Variants in ARHGAP24 observed in about 807,000 individuals in gnomAD.
ARHGAP24 encodes Rho GTPase activating protein 24, also known as rho GTPase-activating protein 24.
In ARHGAP24, 50 loss-of-function variants were observed where a neutral mutation model predicts 76.4. The ratio of observed to expected loss-of-function variants is 0.65; its 90% CI spans 0.52 to 0.83. The LOEUF (loss-of-function observed/expected upper bound fraction) is 0.83. Ranked by LOEUF, ARHGAP24 falls within the 40% of genes least tolerant of loss-of-function variation. The pLI is 0.00. For missense variants in ARHGAP24, 930 were observed against 914.2 expected (o/e 1.02, Z -0.22); for synonymous variants, 345 against 323.3 (o/e 1.07, Z -0.72).
intron 2 of ARHGAP24, among the ~76,000 whole-genome samples, chr4:85,655,603 G>C (rs1205820879): frequency 2.6e-5 from 4 of 151,698 alleles, no homozygotes; most frequent in Non-Finnish European, 5.9e-5. Flanking sequence ...CCAACATGGT[G>C]AAACTCTGTC....
intron 3 of ARHGAP24, among the ~76,000 whole-genome samples, chr4:85,857,756 A>G (rs1731668550): frequency 6.6e-6 from 1 of 152,172 alleles, no homozygotes; most frequent in Non-Finnish European, 1.5e-5. Context: ...GATATACAAT[A>G]TTAAGAGAAA....
At chr4:85,930,765 G>GT in intron 4 of ARHGAP24, 1 of 1,393,832 alleles carries the variant, frequency 7.2e-7, no homozygotes, top group Non-Finnish European at 9.3e-7. Flanking sequence ...ATGAGAGGTG[G>GT]TAACTTATCC....
chr4:85,866,858 T>C (rs371764724), intron 3 of ARHGAP24, among the ~76,000 whole-genome samples: 3 of 152,262 alleles, frequency 2.0e-5, no homozygotes, highest in Admixed American at 6.5e-5. Context: ...TCAATTCTAG[T>C]TGGCTGCATC....
intron 3 of ARHGAP24, among the ~76,000 whole-genome samples, chr4:85,789,705 G>C (rs1032689515): frequency 2.0e-5 from 3 of 152,168 alleles, no homozygotes; most frequent in Non-Finnish European, 4.4e-5. Flanking sequence ...GAAGGTCTTA[G>C]GGGAATGGAG....
At chr4:85,994,282 C>T (rs375484677) in intron 8 of ARHGAP24, among the ~76,000 whole-genome samples, 2 of 152,236 alleles carry the variant, frequency 1.3e-5, no homozygotes, top group East Asian at 1.9e-4. Flanking sequence ...TGGTCCTTAA[C>T]GTGTAACCTT....
rs979245520 is a variant in ARHGAP24, at chr4:85,613,087, C to T, written c.180+42366C>T. Among the ~76,000 whole-genome samples, 15 of 152,106 alleles carry T rather than the reference C, an allele frequency of 9.9e-5. No individual in the cohort carries two copies. The South Asian group carries it at 2.5e-3, about 25-fold the overall frequency. On this transcript the variant is annotated intron_variant, in intron 2 of 9. Transcript: ENST00000395184. ...TGCTGGGATTACATGTGTGAGCCAC[C>T]GCACTCAGTCTCCCTTCCTTTTTAA... is the stretch of plus-strand genomic sequence containing the variant.
intron 3 of ARHGAP24, among the ~76,000 whole-genome samples, chr4:85,781,175 G>C (rs1727538494): frequency 6.6e-6 from 1 of 152,184 alleles, no homozygotes; most frequent in Admixed American, 6.5e-5. Flanking sequence ...TTTTCTCAGT[G>C]ATTTTTCTGA....
chr4:85,899,354 T>C (rs548050115), intron 3 of ARHGAP24, among the ~76,000 whole-genome samples: 3 of 152,194 alleles, frequency 2.0e-5, no homozygotes, highest in Non-Finnish European at 4.4e-5. Flanking sequence ...AATCAGTAAA[T>C]GACTTTGTGC....
At chr4:85,951,908 A>G (rs1312694055) in intron 5 of ARHGAP24, among the ~76,000 whole-genome samples, 2 of 152,118 alleles carry the variant, frequency 1.3e-5, no homozygotes, top group Non-Finnish European at 2.9e-5. Flanking sequence ...AAAAATCATA[A>G]AGTTATTAAG....
intron 2 of ARHGAP24, among the ~76,000 whole-genome samples, chr4:85,660,794 C>CAAAAAAAAAAA (rs34228407): frequency 0.13 from 7,485 of 59,362 alleles, 2,138 homozygotes; most frequent in Non-Finnish European, 0.18. Flanking sequence ...GACTCCGTCT[C>CAAAAAAAAAAA]AAAAAAAAAA....
chr4:85,848,045 TCC>T (rs932433953), intron 3 of ARHGAP24, among the ~76,000 whole-genome samples: 1 of 152,132 alleles, frequency 6.6e-6, no homozygotes, highest in Non-Finnish European at 1.5e-5. Flanking sequence ...ATAACTTTTC[TCC>T]CCCTTTCACC....
intron 3 of ARHGAP24, among the ~76,000 whole-genome samples, chr4:85,725,521 A>G (rs1194234768): frequency 6.6e-6 from 1 of 152,216 alleles, no homozygotes; most frequent in Non-Finnish European, 1.5e-5. Flanking sequence ...GATGAGACCA[A>G]GAGACGGATG....
Position 85,485,600 on chromosome 4 carries a change from A to T in ARHGAP24, c.-21+10041A>T, listed in dbSNP as rs151135982. 1.3e-5 allele frequency among the ~76,000 whole-genome samples: 2 copies of T among 151,656 alleles called. 1 individual carries two copies. The highest frequency in any genetic ancestry group is 3.9e-4 in the East Asian group (2 of 5,136). On this transcript the variant is annotated intron_variant, in intron 1 of 9. Transcript: ENST00000395184. Reference sequence around the variant, plus strand: ...CTCTGGTATTAATTAGTGCCTGAGAACTCAGGCAAATCACTTAGTTTTTCT... The same window carrying T: ...CTCTGGTATTAATTAGTGCCTGAGATCTCAGGCAAATCACTTAGTTTTTCT...
intron 3 of ARHGAP24, among the ~76,000 whole-genome samples, chr4:85,894,456 C>T (rs992745448): frequency 6.6e-6 from 1 of 152,202 alleles, no homozygotes; most frequent in Non-Finnish European, 1.5e-5. Context: ...TTCTCCTCTA[C>T]AGCTTAATTC....
intron 2 of ARHGAP24, chr4:85,686,667 C>T (rs368882959): frequency 1.1e-4 from 17 of 152,072 alleles, no homozygotes; most frequent in East Asian, 9.6e-4. Context: ...TAAACAAGTC[C>T]GTAAGTTCAA....
intron 1 of ARHGAP24, among the ~76,000 whole-genome samples, chr4:85,524,216 C>T (rs765927266): frequency 2.0e-5 from 3 of 152,100 alleles, no homozygotes; most frequent in Non-Finnish European, 2.9e-5. Flanking sequence ...CCTCCAACCC[C>T]ACCATTCTGT....
At chr4:85,848,874 G>A (rs904648863) in intron 3 of ARHGAP24, among the ~76,000 whole-genome samples, 2 of 152,162 alleles carry the variant, frequency 1.3e-5, no homozygotes, top group South Asian at 2.1e-4. Flanking sequence ...TTGAAGTCAG[G>A]TAGCATGATG....
intron 3 of ARHGAP24, among the ~76,000 whole-genome samples, chr4:85,888,626 A>T (rs2148776208): frequency 6.6e-6 from 1 of 152,072 alleles, no homozygotes; most frequent in Admixed American, 6.5e-5. Flanking sequence ...TTTTTAAAAA[A>T]AACTTTAGTT....
chr4:85,689,321 T>A (rs1723544067), intron 2 of ARHGAP24, among the ~76,000 whole-genome samples: 1 of 152,224 alleles, frequency 6.6e-6, no homozygotes, highest in African/African-American at 2.4e-5. Flanking sequence ...GTAAATGGGA[T>A]TGCATTCTTG....
Sources: gnomAD v4.1 joint callset for allele counts (sites outside exome capture counted in the v4.1 genomes callset) on GRCh38, gnomAD v4.1.1 for gene constraint, MANE v1.5 for transcripts, NCBI Gene and HGNC (gene_info 2026-07-23, HGNC 2026-07-21) for gene names.